Variants in ATP10A observed in about 807,000 individuals in gnomAD.
ATP10A encodes the protein phospholipid-transporting ATPase VA.
A neutral mutation model predicts 147.8 loss-of-function variants in ATP10A; 111 were observed. That is an observed-to-expected ratio of 0.75 (90% CI 0.64 to 0.88). ATP10A has a LOEUF of 0.88. Ranked by LOEUF, ATP10A falls within the 40% of genes least tolerant of loss-of-function variation. The pLI, the probability that ATP10A is intolerant of heterozygous loss-of-function variation, is 0.00. For missense variants in ATP10A, 1,927 were observed against 1,959.0 expected, an observed-to-expected ratio of 0.98 and a Z score of 0.31; for synonymous variants, 875 against 841.6, an observed-to-expected ratio of 1.04 and a Z score of -0.69.
At position 25,781,004 on chromosome 15, in the gene ATP10A, A is replaced by G. The variant is rs757422819; in HGVS notation, c.654+15T>C. On this transcript the variant is annotated intron_variant, in intron 2 of 20. Transcript: ENST00000555815. ...CTGTAATGCCTGCAAGGCCCTGGAA[A>G]CGTGGGTCACTTACAAGCTCCGAGA... 2 of 1,612,666 alleles carry G rather than the reference A, an allele frequency of 1.2e-6. No homozygotes were observed. Among genetic ancestry groups the G allele is most frequent in the South Asian group, 2.2e-5 (2 of 91,016 alleles).
intron 2 of ATP10A, among the ~76,000 whole-genome samples, chr15:25,737,098 T>C (rs1170814370): frequency 6.6e-6 from 1 of 152,234 alleles, no homozygotes; most frequent in Non-Finnish European, 1.5e-5. Flanking sequence ...AAGGGGCGTG[T>C]GCTAGATAAT....
intron 2 of ATP10A, among the ~76,000 whole-genome samples, chr15:25,749,296 A>C (rs1177912413): frequency 6.6e-6 from 1 of 152,190 alleles, no homozygotes; most frequent in Non-Finnish European, 1.5e-5. Context: ...TCAACACTGA[A>C]AACTATAAAG....
At chr15:25,839,251 T>C (rs1169279175) in intron 1 of ATP10A, among the ~76,000 whole-genome samples, 1 of 152,176 alleles carries the variant, frequency 6.6e-6, no homozygotes, top group Non-Finnish European at 1.5e-5. Flanking sequence ...ACTGTAATTA[T>C]CCAAATTGCT....
Position 25,695,038 on chromosome 15 carries a change from G to A in ATP10A, c.2869C>T (p.Leu957Phe). 2 of 1,614,202 alleles carry A rather than the reference G, an allele frequency of 1.2e-6. No homozygotes were observed. The highest frequency in any genetic ancestry group is 1.7e-6 in the Non-Finnish European group (2 of 1,180,032). Residue 957 changes from leucine (L) to phenylalanine (F), a missense_variant, in exon 14 of 21, where the codon CTC (leucine) becomes TTC (phenylalanine). Transcript: ENST00000555815. Reference protein sequence around the residue: ...KGKVSMRFSSLCPPSTSTASG... With the variant: ...KGKVSMRFSSFCPPSTSTASG... Reference sequence around the variant, plus strand: ...GCAGTGGACGTGGAGGGTGGGCAGAGAGAGGAGAACCTCATGCTCACTTTG... The same window carrying A: ...GCAGTGGACGTGGAGGGTGGGCAGAAAGAGGAGAACCTCATGCTCACTTTG...
At chr15:25,701,288 A>G (rs945344583) in intron 13 of ATP10A, among the ~76,000 whole-genome samples, 3 of 152,158 alleles carry the variant, frequency 2.0e-5, no homozygotes, top group African/African-American at 7.2e-5. Flanking sequence ...CTGATAGCTG[A>G]TGGTGCAGGT....
upstream of ATP10A, among the ~76,000 whole-genome samples, chr15:25,864,444 T>G (rs1386444087): frequency 1.3e-5 from 2 of 152,170 alleles, no homozygotes; most frequent in Non-Finnish European, 2.9e-5. Context: ...GGCACTGCCC[T>G]GGATGGACTC....
rs138528203 is a variant in ATP10A, at chr15:25,691,597, C to G, written c.3165+118G>C. The G allele has an allele frequency of 6.8e-4, 699 of 1,022,912 alleles. 6 individuals carry two copies. In the East Asian group the frequency reaches 0.014, roughly 21 times the overall value. The allele number at this position is 1,022,912 out of a possible 1,614,324, so 63.4% of individuals were successfully genotyped here. On this transcript the variant is annotated intron_variant, in intron 15 of 20. Coordinates refer to ENST00000555815, the MANE Select transcript of ATP10A (RefSeq NM_024490.4). ...TATTGAGCATCAGCTATATTAAGGG[C>G]AAACCCTTTAGCCTCGTTCAGTAGA...
At chr15:25,691,057 C>T (rs982166176) in intron 15 of ATP10A, among the ~76,000 whole-genome samples, 6 of 152,140 alleles carry the variant, frequency 3.9e-5, no homozygotes, top group Non-Finnish European at 8.8e-5. Flanking sequence ...AATCAACCAG[C>T]GAGTAAGTGG....
rs1334668523 is a variant in ATP10A at position 25,730,317 on chromosome 15, A to G, written c.741-3051T>C. Among the ~76,000 whole-genome samples, 6 of 2,618 alleles carry G rather than the reference A, an allele frequency of 2.3e-3. 3 individuals carry two copies. The highest frequency in any genetic ancestry group is 8.1e-3 in the Admixed American group (2 of 246). 1.7% of individuals were successfully genotyped at this position (2,618 alleles called of 152,430 possible). A position where few individuals can be genotyped will look rare whatever the true frequency, so the allele number is the denominator to read the frequency against. ...ACTCTGTCTCAAAAAAAAAAAAAAA[A>G]AAAAAAAAAAAGAAGAAAGAAAGAA... On this transcript the variant is annotated intron_variant, in intron 3 of 20. Transcript: ENST00000555815.
At chr15:25,759,182 A>G (rs193220503) in intron 2 of ATP10A, among the ~76,000 whole-genome samples, 2 of 152,348 alleles carry the variant, frequency 1.3e-5, no homozygotes, top group East Asian at 3.9e-4. Flanking sequence ...GAGAATTAAA[A>G]GGAACATTTT....
In ATP10A at chr15:25,683,396, G is replaced by T. The variant is rs76678653; in HGVS notation, c.3382C>A (p.Leu1128Met). The T allele has an allele frequency of 1.9e-6, 3 of 1,614,104 alleles. No homozygotes were observed. The highest frequency in any genetic ancestry group is 2.7e-5 in the African/African-American group (2 of 75,032). ...IDQWYLIFFN[L>M]LFSSLPPLVT... ...AGCGGGGGAAGTGACGAGAAGAGCAGATTAAAGAAGATTAGATACCACTGG... is the reference window on the plus strand; with the variant it reads ...AGCGGGGGAAGTGACGAGAAGAGCATATTAAAGAAGATTAGATACCACTGG... The change falls in exon 17 of 21, where the codon CTG (leucine) becomes ATG (methionine). Residue 1128 changes from leucine to methionine, a missense_variant. Physicochemically the swap from Leu to Met is conservative, Grantham distance 15 (BLOSUM62 2). Coordinates refer to ENST00000555815, the MANE Select transcript of ATP10A (RefSeq NM_024490.4).
At chr15:25,812,051 A>G in intron 1 of ATP10A, among the ~76,000 whole-genome samples, 1 of 152,214 alleles carries the variant, frequency 6.6e-6, no homozygotes, top group East Asian at 1.9e-4. Context: ...CATGGCGCAA[A>G]CACGCTCCCC....
At chr15:25,776,752 G>T (rs1405669715) in intron 2 of ATP10A, among the ~76,000 whole-genome samples, 1 of 152,178 alleles carries the variant, frequency 6.6e-6, no homozygotes, top group Non-Finnish European at 1.5e-5. Context: ...CCGCCTTCCG[G>T]TTTTTGTTGT....
At chr15:25,792,476 G>A (rs1011750086) in intron 1 of ATP10A, among the ~76,000 whole-genome samples, 3 of 152,206 alleles carry the variant, frequency 2.0e-5, no homozygotes, top group Non-Finnish European at 2.9e-5. Flanking sequence ...AAACACCCAT[G>A]CAGGTCATTT....
intron 12 of ATP10A, among the ~76,000 whole-genome samples, chr15:25,706,877 A>G (rs73362910): frequency 2.1e-3 from 313 of 152,288 alleles, no homozygotes; most frequent in African/African-American, 7.0e-3. Flanking sequence ...GATGCCTCCT[A>G]CCCCACAGGC....
intron 19 of ATP10A, 63 bp downstream of exon 19, chr15:25,680,747 G>T: frequency 6.8e-7 from 1 of 1,461,500 alleles, no homozygotes; most frequent in East Asian, 2.3e-5. Context: ...TGAATCTGCA[G>T]GGAAGTGTGG....
intron 1 of ATP10A, among the ~76,000 whole-genome samples, chr15:25,838,798 T>A (rs1407796754): frequency 6.6e-6 from 1 of 152,132 alleles, no homozygotes; most frequent in Non-Finnish European, 1.5e-5. Flanking sequence ...CGGGCTTTAC[T>A]CCAGGGTACT....
intron 2 of ATP10A, among the ~76,000 whole-genome samples, chr15:25,766,974 T>C (rs369254468): frequency 4.0e-5 from 6 of 151,234 alleles, no homozygotes; most frequent in African/African-American, 1.2e-4. Flanking sequence ...GGCAGACATA[T>C]ACACATACAC....
At position 25,708,201 on chromosome 15, in the gene ATP10A, T is replaced by C. The variant is rs1477118428; in HGVS notation, c.2444A>G (p.Lys815Arg). The C allele has an allele frequency of 1.2e-6, 2 of 1,614,230 alleles. No homozygotes were observed. Among genetic ancestry groups the C allele is most frequent in the Non-Finnish European group, 1.7e-6 (2 of 1,180,040 alleles). ...CGCGGAGACACCCCCACTCACTCTC[T>C]TGGCGATGCACAAGGTGCGCAGGCC... ...AEGLRTLCIA[K>R]RVLSKEEYAC... is the part of the protein sequence containing the mutation. The change falls in exon 11 of 21, where the codon AAG becomes AGG. Residue 815 changes from lysine (K) to arginine (R), a missense_variant. Physicochemically the swap from Lys to Arg is conservative, Grantham distance 26. Transcript: ENST00000555815.
Sources: gnomAD v4.1 joint callset for allele counts (sites outside exome capture counted in the v4.1 genomes callset) on GRCh38, gnomAD v4.1.1 for gene constraint, MANE v1.5 for transcripts, NCBI Gene and HGNC (gene_info 2026-07-23, HGNC 2026-07-21) for gene names.